Variants in GSG1L observed in about 807,000 individuals in gnomAD.
GSG1L encodes GSG1 like.
In GSG1L, 24 loss-of-function variants were observed where a neutral mutation model predicts 42.1. The observed-to-expected ratio is 0.57, with a 90% CI of 0.41 to 0.80. The LOEUF (loss-of-function observed/expected upper bound fraction) is 0.80, where lower values mean the gene tolerates loss of function less well. Ranked by LOEUF, GSG1L falls within the 30% of genes least tolerant of loss-of-function variation. The pLI, the probability that GSG1L is intolerant of heterozygous loss-of-function variation, is 0.00. For synonymous variants in GSG1L, 215 were observed against 203.5 expected (o/e 1.06, Z -0.48); for missense variants, 445 against 472.2 (o/e 0.94, Z 0.53).
chr16:28,051,322 C>T (rs758123074), intron 1 of GSG1L, among the ~76,000 whole-genome samples: 6 of 152,140 alleles, frequency 3.9e-5, no homozygotes, highest in Non-Finnish European at 7.3e-5. Context: ...GGTTCTGGTG[C>T]CAGTTCTGCC....
chr16:27,843,683 A>T (rs747105127), intron 4 of GSG1L, among the ~76,000 whole-genome samples: 69 of 152,108 alleles, frequency 4.5e-4, no homozygotes, highest in Non-Finnish European at 8.1e-4. Flanking sequence ...GGTCACCTGG[A>T]TCCAGCTGTG....
chr16:27,830,673 C>T (rs1445827314), intron 4 of GSG1L, among the ~76,000 whole-genome samples: 1 of 152,158 alleles, frequency 6.6e-6, no homozygotes, highest in East Asian at 1.9e-4. Context: ...GACTCACCAC[C>T]CCCCACCATT....
At chr16:27,903,075 C>G (rs1395406063) in intron 2 of GSG1L, among the ~76,000 whole-genome samples, 1 of 151,982 alleles carries the variant, frequency 6.6e-6, no homozygotes, top group Non-Finnish European at 1.5e-5. Context: ...CACAGGAGTC[C>G]CAGGGGTTTC....
intron 1 of GSG1L, among the ~76,000 whole-genome samples, chr16:27,978,637 G>A (rs931935815): frequency 6.8e-6 from 1 of 145,988 alleles, no homozygotes; most frequent in African/African-American, 2.6e-5. Flanking sequence ...GTTGCAGTGA[G>A]CAGAGATCTC....
At chr16:27,824,025 TA>T (rs2083179182) in intron 5 of GSG1L, 1 of 673,236 alleles carries the variant, frequency 1.5e-6, no homozygotes, top group Non-Finnish European at 2.7e-6. Context: ...CCACAGATAA[TA>T]ACGAGATTAT....
chr16:27,807,571 A>T lies in GSG1L; in HGVS notation c.831-17T>A. On this transcript the variant is annotated splice_polypyrimidine_tract_variant and intron_variant, in intron 5 of 6. Transcript: ENST00000447459. ...TTCTCCATCCTGGAAAGAAAAAAAA[A>T]CAAAAACAAAATCCTAGGTAGGAAA... 6.2e-7 allele frequency: 1 copy of T among 1,605,864 alleles called. No homozygotes were observed. Among genetic ancestry groups the T allele is most frequent in the Non-Finnish European group, 8.5e-7 (1 of 1,178,032 alleles).
intron 1 of GSG1L, among the ~76,000 whole-genome samples, chr16:27,981,096 C>G (rs980585423): frequency 6.6e-6 from 1 of 151,948 alleles, no homozygotes; most frequent in African/African-American, 2.4e-5. Context: ...AAAATTCATT[C>G]CTCCTAAGGA....
At chr16:27,930,723 C>A (rs146381630) in intron 2 of GSG1L, among the ~76,000 whole-genome samples, 1 of 152,216 alleles carries the variant, frequency 6.6e-6, no homozygotes, top group South Asian at 2.1e-4. Context: ...CACAAATGCT[C>A]TTTTCTTTCT....
At chr16:27,795,256 G>T (rs2082805587) in intron 6 of GSG1L, among the ~76,000 whole-genome samples, 1 of 152,066 alleles carries the variant, frequency 6.6e-6, no homozygotes, top group South Asian at 2.1e-4. Context: ...GGATGCACCT[G>T]CTCTACCTGC....
intron 1 of GSG1L, among the ~76,000 whole-genome samples, chr16:28,025,144 G>T (rs1422669285): frequency 2.0e-5 from 3 of 152,208 alleles, no homozygotes; most frequent in Non-Finnish European, 2.9e-5. Flanking sequence ...GCAGTAGCCT[G>T]CATGAGAAAG....
rs187892937 is a variant in GSG1L at position 27,909,590 on chromosome 16, C to T, written c.398-24952G>A. On this transcript the variant is annotated intron_variant, in intron 2 of 6. Transcript: ENST00000447459. ...AATGTTGATGAAAGGAGGGAGAAGG[C>T]GAAGGAACTAACCAAACACCTGCAT... Among the ~76,000 whole-genome samples, 34 of 146,214 alleles carry T rather than the reference C, an allele frequency of 2.3e-4. No homozygotes were observed. The East Asian group carries it at 6.0e-3, about 26-fold the overall frequency.
intron 2 of GSG1L, among the ~76,000 whole-genome samples, chr16:27,948,577 T>C (rs567598022): frequency 7.8e-4 from 118 of 150,770 alleles, no homozygotes; most frequent in Middle Eastern, 3.5e-3. Context: ...TTCCACCATG[T>C]TGGCCAGGCT....
chr16:27,858,155 A>G (rs556725012), intron 3 of GSG1L, among the ~76,000 whole-genome samples: 18 of 152,282 alleles, frequency 1.2e-4, no homozygotes, highest in African/African-American at 4.3e-4. Context: ...GACTCCATCC[A>G]ATTAGTTTCA....
chr16:27,957,077 G>A (rs768631321), intron 2 of GSG1L, among the ~76,000 whole-genome samples: 45 of 152,200 alleles, frequency 3.0e-4, no homozygotes, highest in Non-Finnish European at 5.6e-4. Context: ...AACTGGGTGC[G>A]GTGGCTCATG....
At chr16:28,043,806 G>C (rs188607962) in intron 1 of GSG1L, among the ~76,000 whole-genome samples, 2 of 151,188 alleles carry the variant, frequency 1.3e-5, no homozygotes, top group Non-Finnish European at 3.0e-5. Flanking sequence ...AGGATTGCCT[G>C]AGCCCAGGAG....
intron 2 of GSG1L, among the ~76,000 whole-genome samples, chr16:27,958,260 C>A (rs2085028820): frequency 6.6e-6 from 1 of 151,768 alleles, no homozygotes; most frequent in South Asian, 2.1e-4. Context: ...CAAAAATTAG[C>A]CAGCTATGGT....
intron 6 of GSG1L, among the ~76,000 whole-genome samples, chr16:27,799,399 A>G (rs910235624): frequency 6.6e-6 from 1 of 152,028 alleles, no homozygotes; most frequent in Non-Finnish European, 1.5e-5. Context: ...AAAAAAAATT[A>G]CCCACGTCTA....
chr16:27,993,815 C>T lies in GSG1L; in HGVS notation c.350-30612G>A, dbSNP rs190932197. 3.9e-3 allele frequency among the ~76,000 whole-genome samples: 599 copies of T among 152,250 alleles called. 1 individual carries two copies. The highest frequency in any genetic ancestry group is 0.012 in the African/African-American group (511 of 41,546). ...CACAGATGACTTGCCCATACATGTCCGCAATGGAAAATTCTGTCCCCTGAC... is the reference window on the plus strand; with the variant it reads ...CACAGATGACTTGCCCATACATGTCTGCAATGGAAAATTCTGTCCCCTGAC... On this transcript the variant is annotated intron_variant, in intron 1 of 6. Coordinates refer to ENST00000447459, the MANE Select transcript of GSG1L (RefSeq NM_001109763.2).
intron 6 of GSG1L, among the ~76,000 whole-genome samples, chr16:27,793,610 G>A (rs377193758): frequency 1.3e-5 from 2 of 152,190 alleles, no homozygotes; most frequent in Non-Finnish European, 2.9e-5. Context: ...GAGCCATGGA[G>A]AGATCATCAG....
Sources: allele counts gnomAD v4.1 joint callset (sites outside exome capture counted in the v4.1 genomes callset), GRCh38; gene constraint gnomAD v4.1.1; transcripts MANE v1.5; gene names NCBI Gene and HGNC (gene_info 2026-07-23, HGNC 2026-07-21).